The following SEL1L2 variants were observed in gnomAD, a reference collection of about 807,000 sequenced individuals.
The protein encoded by SEL1L2 is SEL1L2 adaptor subunit of SYVN1 ubiquitin ligase, also known as protein sel-1 homolog 2.
A neutral mutation model predicts 98.8 loss-of-function variants in SEL1L2; 89 were observed. That is an observed-to-expected ratio of 0.90 (90% CI 0.76 to 1.07). The LOEUF is 1.07. Ranked by LOEUF, SEL1L2 falls within the 50% of genes least tolerant of loss-of-function variation. The pLI is 0.00. For missense variants in SEL1L2, 788 were observed against 812.0 expected (o/e 0.97, Z 0.36); for synonymous variants, 262 against 278.5 (o/e 0.94, Z 0.59).
chr20:13,921,654 AAAC>A (rs1217945680), intron 3 of SEL1L2, among the ~76,000 whole-genome samples: 5 of 152,236 alleles, frequency 3.3e-5, no homozygotes, highest in Admixed American at 2.0e-4. Flanking sequence ...TACTTTCAAT[AAAC>A]AACCCATTGC....
At chr20:13,933,680 T>C (rs995821270) in intron 2 of SEL1L2, among the ~76,000 whole-genome samples, 15 of 152,208 alleles carry the variant, frequency 9.9e-5, no homozygotes, top group African/African-American at 3.4e-4. Flanking sequence ...AAATAGATAC[T>C]GTGCCAGCTT....
chr20:13,875,002 T>C (rs1476425914), intron 12 of SEL1L2, among the ~76,000 whole-genome samples: 3 of 152,322 alleles, frequency 2.0e-5, no homozygotes, highest in Non-Finnish European at 4.4e-5. Context: ...AAGTCTTATC[T>C]GACAGATACC....
chr20:13,967,179 C>T (rs978769073), intron 1 of SEL1L2, among the ~76,000 whole-genome samples: 2 of 152,102 alleles, frequency 1.3e-5, no homozygotes, highest in Non-Finnish European at 2.9e-5. Context: ...CTGTGCCCAG[C>T]CAAAACCTAT....
At chr20:13,909,642 G>A (rs1568949551) in intron 5 of SEL1L2, among the ~76,000 whole-genome samples, 1 of 152,020 alleles carries the variant, frequency 6.6e-6, no homozygotes, top group Non-Finnish European at 1.5e-5. Flanking sequence ...GAGAGGGTCG[G>A]GCAGAGACTT....
rs768867221 is a variant in SEL1L2, at chr20:13,870,248, T to C, written c.1105-45A>G. 8 of 1,480,240 alleles carry C rather than the reference T, an allele frequency of 5.4e-6. No homozygotes were observed. The African/African-American group carries it at 9.9e-5, about 18-fold the overall frequency. 91.7% of individuals were successfully genotyped at this position (1,480,240 alleles called of 1,614,324 possible). ...CCAAGTAAAGTCCCAGAAGAATTCA[T>C]GATAAGGAAAATTACTGCAAAATTT... is the stretch of plus-strand genomic sequence containing the variant. On this transcript the variant is annotated intron_variant, in intron 12 of 19. Transcript: ENST00000284951.
chr20:13,906,315 TA>T (rs1355978045), intron 5 of SEL1L2, among the ~76,000 whole-genome samples: 1 of 152,234 alleles, frequency 6.6e-6, no homozygotes, highest in Non-Finnish European at 1.5e-5. Context: ...TCAAGTTCCA[TA>T]ATAACAATTT....
At chr20:13,891,016 G>C (rs2047181578) in intron 5 of SEL1L2, among the ~76,000 whole-genome samples, 1 of 152,046 alleles carries the variant, frequency 6.6e-6, no homozygotes, top group South Asian at 2.1e-4. Context: ...GGGACTTATG[G>C]GATACCATCA....
intron 1 of SEL1L2, among the ~76,000 whole-genome samples, chr20:13,959,071 T>C (rs2050668911): frequency 6.6e-6 from 1 of 152,168 alleles, no homozygotes; most frequent in Non-Finnish European, 1.5e-5. Context: ...GCCAAAGAAC[T>C]TAACGTCGAC....
intron 18 of SEL1L2, among the ~76,000 whole-genome samples, chr20:13,850,856 A>C (rs920243432): frequency 1.1e-4 from 17 of 152,208 alleles, no homozygotes; most frequent in African/African-American, 3.9e-4. Flanking sequence ...GATTTGTTAC[A>C]GCAAGCATAG....
intron 10 of SEL1L2, among the ~76,000 whole-genome samples, chr20:13,885,061 C>G (rs538708969): frequency 6.6e-6 from 1 of 152,046 alleles, no homozygotes; most frequent in Non-Finnish European, 1.5e-5. Context: ...GCCCAAAGTG[C>G]GTGTGAGTGC....
intron 2 of SEL1L2, among the ~76,000 whole-genome samples, chr20:13,954,400 T>C (rs2050423313): frequency 6.6e-6 from 1 of 152,198 alleles, no homozygotes; most frequent in Non-Finnish European, 1.5e-5. Flanking sequence ...CACTTTGCAG[T>C]AGAGGTGTTT....
chr20:13,852,519 C>A (rs1444821373), intron 18 of SEL1L2, among the ~76,000 whole-genome samples: 3 of 152,118 alleles, frequency 2.0e-5, no homozygotes, highest in Non-Finnish European at 4.4e-5. Flanking sequence ...ACAAAAAAAT[C>A]TCCTCCAGAT....
chr20:13,857,214 T>C (rs1248801666), intron 18 of SEL1L2, among the ~76,000 whole-genome samples: 1 of 151,960 alleles, frequency 6.6e-6, no homozygotes, highest in Non-Finnish European at 1.5e-5. Flanking sequence ...TTTTTTTTTT[T>C]TTTAATGTAG....
intron 3 of SEL1L2, among the ~76,000 whole-genome samples, chr20:13,927,153 C>T (rs2048941255): frequency 6.6e-6 from 1 of 152,214 alleles, no homozygotes; most frequent in South Asian, 2.1e-4. Context: ...GGGAAAGCAT[C>T]ATGTTCAACT....
intron 1 of SEL1L2, among the ~76,000 whole-genome samples, chr20:13,958,250 G>C (rs1341201624): frequency 1.3e-5 from 2 of 152,004 alleles, no homozygotes; most frequent in African/African-American, 4.8e-5. Context: ...ATAAGTGTTA[G>C]GTATATAAAA....
intron 1 of SEL1L2, among the ~76,000 whole-genome samples, chr20:13,974,382 A>G (rs1054776592): frequency 6.0e-5 from 9 of 149,906 alleles, no homozygotes; most frequent in African/African-American, 2.0e-4. Flanking sequence ...TCCTCTGTAT[A>G]TGGTGGTAGT....
chr20:13,855,081 G>T (rs1007858619), intron 18 of SEL1L2, among the ~76,000 whole-genome samples: 3 of 150,340 alleles, frequency 2.0e-5, no homozygotes, highest in Admixed American at 2.0e-4. Context: ...AAAATCTGGG[G>T]TTCCTTGAGG....
chr20:13,866,981 C>T, intron 14 of SEL1L2, 131 bp from the exon 15 acceptor site: 2 of 842,628 alleles, frequency 2.4e-6, no homozygotes, highest in Non-Finnish European at 3.3e-6. Flanking sequence ...AGTCAAGCTA[C>T]TCTAAATCCA....
At chr20:13,854,863 C>CACGAGGT (rs2147725360) in intron 18 of SEL1L2, among the ~76,000 whole-genome samples, 1 of 152,078 alleles carries the variant, frequency 6.6e-6, no homozygotes, top group East Asian at 1.9e-4. Flanking sequence ...ACCATCCTGG[C>CACGAGGT]CAACATGGTG....
Sources: allele counts gnomAD v4.1 joint callset (sites outside exome capture counted in the v4.1 genomes callset), GRCh38; gene constraint gnomAD v4.1.1; transcripts MANE v1.5; gene names NCBI Gene and HGNC (gene_info 2026-07-23, HGNC 2026-07-21).